Variants in COLEC11 observed in about 807,000 individuals in gnomAD.
COLEC11 encodes the protein collectin-11.
A neutral mutation model predicts 27.3 loss-of-function variants in COLEC11; 20 were observed. The observed-to-expected ratio is 0.73, with a 90% CI of 0.51 to 1.06. COLEC11 has a LOEUF of 1.06. COLEC11 is among the 50% of genes least tolerant of loss of function. The pLI, the probability that COLEC11 is intolerant of heterozygous loss-of-function variation, is 0.00. For missense variants in COLEC11, 310 were observed against 383.0 expected (o/e 0.81, Z 1.59); for synonymous variants, 163 against 154.7 (o/e 1.05, Z -0.40).
chr2:3,624,644 A>C (rs779680510), intron 3 of COLEC11, among the ~76,000 whole-genome samples: 27 of 152,178 alleles, frequency 1.8e-4, no homozygotes, highest in Non-Finnish European at 2.9e-4. Flanking sequence ...CAGTTGTGGG[A>C]AACGGTCACA....
chr2:3,636,274 G>A (rs1215936312), intron 3 of COLEC11, among the ~76,000 whole-genome samples: 2 of 152,218 alleles, frequency 1.3e-5, no homozygotes, highest in Non-Finnish European at 2.9e-5. Flanking sequence ...GGCTAACATA[G>A]TGAAACCCCA....
At chr2:3,640,480 C>G in intron 5 of COLEC11, 149 bp downstream of exon 5, 1 of 658,680 alleles carries the variant, frequency 1.5e-6, no homozygotes, top group Admixed American at 2.1e-5. Flanking sequence ...TCACATCCCA[C>G]AGTGGACACC....
At chr2:3,632,873 A>G (rs1295005406) in intron 3 of COLEC11, among the ~76,000 whole-genome samples, 2 of 148,938 alleles carry the variant, frequency 1.3e-5, no homozygotes, top group Non-Finnish European at 3.0e-5. Context: ...AGCCCTAGGA[A>G]CGTCACCTTC....
intron 3 of COLEC11, among the ~76,000 whole-genome samples, chr2:3,633,790 G>A (rs1360089535): frequency 1.3e-5 from 2 of 152,092 alleles, no homozygotes; most frequent in South Asian, 2.1e-4. Flanking sequence ...AGGAAGATGC[G>A]TGTTCCCGAC....
chr2:3,615,169 C>A (rs1663563930), intron 3 of COLEC11, among the ~76,000 whole-genome samples: 1 of 150,888 alleles, frequency 6.6e-6, no homozygotes, highest in East Asian at 2.0e-4. Flanking sequence ...ATTGATCACT[C>A]TTGGGTATTT....
At chr2:3,605,122 C>T (rs1309137720) in intron 2 of COLEC11, 3 of 468,410 alleles carry the variant, frequency 6.4e-6, no homozygotes, top group Non-Finnish European at 1.3e-5. Flanking sequence ...AAAGCAGAGG[C>T]AACAGGTCCC....
intron 2 of COLEC11, among the ~76,000 whole-genome samples, chr2:3,611,758 A>G (rs1231888457): frequency 6.6e-6 from 1 of 151,880 alleles, no homozygotes; most frequent in Admixed American, 6.6e-5. Context: ...TCTCTTTGTT[A>G]CTTGGATTTA....
At chr2:3,599,194 T>C (rs1474332876) in intron 1 of COLEC11, among the ~76,000 whole-genome samples, 1 of 152,222 alleles carries the variant, frequency 6.6e-6, no homozygotes, top group Non-Finnish European at 1.5e-5. Context: ...GGTGCTGATC[T>C]CTGTGCAGTG....
At position 3,602,739 on chromosome 2, in the gene COLEC11, G is replaced by A. The variant is rs114755222; in HGVS notation, c.-26-1576G>A. The stretch of plus-strand genomic sequence containing the variant: ...CCGGCTCCTGTCTCCTGTCCTCTGT[G>A]CCCACCAGGCCAGCCCACCTCTCCC... On this transcript the variant is annotated intron_variant, in intron 1 of 6. Transcript: ENST00000349077. The surrounding 1 kb of genome is among the most constrained non-coding windows in gnomAD (Gnocchi z 6.2). Among the ~76,000 whole-genome samples the A allele has an allele frequency of 0.044, 6,656 of 152,186 alleles. 498 individuals carry two copies. Among genetic ancestry groups the A allele is most frequent in the African/African-American group, 0.15 (6,311 of 41,496 alleles).
At chr2:3,595,271 G>C (rs1661772011) in intron 1 of COLEC11, 103 bp downstream of exon 1, 1 of 200,924 alleles carries the variant, frequency 5.0e-6, no homozygotes, top group Non-Finnish European at 1.1e-5. Flanking sequence ...GTGGGCTCCT[G>C]CTGAGCGAGG....
chr2:3,620,530 G>T (rs1436609921), intron 3 of COLEC11, among the ~76,000 whole-genome samples: 2 of 151,520 alleles, frequency 1.3e-5, no homozygotes, highest in African/African-American at 4.9e-5. Context: ...AGCTTTTCTA[G>T]TCTCTCTTTG....
intron 5 of COLEC11, among the ~76,000 whole-genome samples, chr2:3,643,131 G>A (rs1362018415): frequency 6.6e-6 from 1 of 152,086 alleles, no homozygotes; most frequent in Non-Finnish European, 1.5e-5. Context: ...CTCACTGCAC[G>A]CCCTCAGCCA....
At chr2:3,597,774 C>T (rs952008183) in intron 1 of COLEC11, among the ~76,000 whole-genome samples, 1 of 151,978 alleles carries the variant, frequency 6.6e-6, no homozygotes, top group Non-Finnish European at 1.5e-5. Flanking sequence ...TTTACTATTG[C>T]TTTCAGAAGC....
intron 1 of COLEC11, among the ~76,000 whole-genome samples, chr2:3,596,851 T>G (rs897648176): frequency 6.6e-6 from 1 of 152,208 alleles, no homozygotes; most frequent in African/African-American, 2.4e-5. Context: ...AAGAAGGCAG[T>G]CAGAGGGCGA....
intron 2 of COLEC11, among the ~76,000 whole-genome samples, chr2:3,609,187 C>T (rs189730199): frequency 1.3e-5 from 2 of 152,214 alleles, no homozygotes; most frequent in East Asian, 1.9e-4. Flanking sequence ...ATAAAGAAAA[C>T]GTGTGTTAAA....
Position 3,609,058 on chromosome 2 carries a change from T to A in COLEC11, c.131-4253T>A, listed in dbSNP as rs1662963174. Reference sequence around the variant, plus strand: ...AGGCACAGCCGTGAGGCATTTGGGGTGCCTGCTGCCCAGCACTGGCTGAAA... The same window carrying A: ...AGGCACAGCCGTGAGGCATTTGGGGAGCCTGCTGCCCAGCACTGGCTGAAA... On this transcript the variant is annotated intron_variant, in intron 2 of 6. Transcript: ENST00000349077. 2.0e-5 allele frequency among the ~76,000 whole-genome samples: 3 copies of A among 152,178 alleles called. No individual in the cohort carries two copies. The South Asian group carries it at 6.2e-4, about 32-fold the overall frequency.
chr2:3,617,838 A>G lies in COLEC11; in HGVS notation c.202+4456A>G, dbSNP rs758222469. 36 of 636,870 alleles carry G rather than the reference A, an allele frequency of 5.7e-5. No homozygotes were observed. In the South Asian group the frequency reaches 5.8e-4, roughly 10 times the overall value. The allele number at this position is 636,870 out of a possible 1,614,324, so 39.5% of individuals were successfully genotyped here. On this transcript the variant is annotated intron_variant, in intron 3 of 6. Coordinates refer to ENST00000349077, the MANE Select transcript of COLEC11 (RefSeq NM_024027.5). ...TGTCTAAGGGCTCGCCTTTCTCCACATCTTCTCCAATGCTTAATCTCTTTT... is the reference window on the plus strand; with the variant it reads ...TGTCTAAGGGCTCGCCTTTCTCCACGTCTTCTCCAATGCTTAATCTCTTTT...
chr2:3,639,927 T>C (rs1008867925), intron 4 of COLEC11, among the ~76,000 whole-genome samples: 1 of 151,598 alleles, frequency 6.6e-6, no homozygotes. Flanking sequence ...CCTGCTGTCA[T>C]GAGAGAGGTC....
At chr2:3,628,009 G>A (rs2147928835) in intron 3 of COLEC11, among the ~76,000 whole-genome samples, 1 of 152,330 alleles carries the variant, frequency 6.6e-6, no homozygotes. Context: ...TTCAACTTCT[G>A]ACATCAAAAT....
Sources: gnomAD v4.1 joint callset for allele counts (sites outside exome capture counted in the v4.1 genomes callset) on GRCh38, gnomAD v4.1.1 for gene constraint, Gnocchi (gnomAD v3.1) non-coding constraint, MANE v1.5 for transcripts, NCBI Gene and HGNC (gene_info 2026-07-23, HGNC 2026-07-21) for gene names.